Variants in DOCK1 observed in about 807,000 individuals in gnomAD.
DOCK1 encodes dedicator of cytokinesis protein 1.
In DOCK1, 138 loss-of-function variants were observed where a neutral mutation model predicts 262.7. The observed-to-expected ratio is 0.53, with a 90% CI of 0.46 to 0.61. The LOEUF (loss-of-function observed/expected upper bound fraction) is 0.61, where lower values mean the gene tolerates loss of function less well. DOCK1 is among the 20% of genes least tolerant of loss of function. The pLI is 0.00. For synonymous variants in DOCK1, 866 were observed against 867.4 expected (o/e 1.00, Z 0.03); for missense variants, 1,908 against 2,370.7 (o/e 0.80, Z 4.05).
chr10:126,954,084 AC>A (rs1439738723), intron 1 of DOCK1, among the ~76,000 whole-genome samples: 1 of 152,224 alleles, frequency 6.6e-6, no homozygotes, highest in African/African-American at 2.4e-5. Flanking sequence ...AAGCAAGCAA[AC>A]AGGGTTTTAT....
At chr10:127,389,795 C>T (rs1355455472) in intron 38 of DOCK1, among the ~76,000 whole-genome samples, 1 of 152,082 alleles carries the variant, frequency 6.6e-6, no homozygotes, top group Admixed American at 6.5e-5. Context: ...GGGCAGATCA[C>T]CTGAGGTCAG....
At chr10:127,423,890 T>C (rs2068658123) in intron 46 of DOCK1, among the ~76,000 whole-genome samples, 1 of 152,096 alleles carries the variant, frequency 6.6e-6, no homozygotes, top group Admixed American at 6.5e-5. Flanking sequence ...AGGTGTGACT[T>C]AGGGAAAGTC....
At position 127,109,848 on chromosome 10, in the gene DOCK1, A is replaced by G. The variant is rs10829392; in HGVS notation, c.2517-400A>G. ...CATGGACAAATTGTTGTGTGGATAT[A>G]TGTTTTCATTTTTTCTCGGGGAGGT... On this transcript the variant is annotated intron_variant, in intron 24 of 51. Coordinates refer to ENST00000623213, the MANE Select transcript of DOCK1 (RefSeq NM_001290223.2). Among the ~76,000 whole-genome samples, 1,003 of 151,800 alleles carry G rather than the reference A, an allele frequency of 6.6e-3. 6 individuals carry two copies. Among genetic ancestry groups the G allele is most frequent in the Admixed American group, 0.012 (179 of 15,254 alleles).
At chr10:127,325,912 G>A (rs55966234) in intron 29 of DOCK1, among the ~76,000 whole-genome samples, 5,682 of 152,208 alleles carry the variant, frequency 0.037, 378 homozygotes, top group African/African-American at 0.13. Context: ...AGTGAAGTTT[G>A]CAATAAAGCA....
intron 1 of DOCK1, among the ~76,000 whole-genome samples, chr10:126,935,621 C>T (rs2034512279): frequency 6.6e-6 from 1 of 152,232 alleles, no homozygotes; most frequent in African/African-American, 2.4e-5. Context: ...CCGCCTCTCT[C>T]CTTTCCTTCC....
At chr10:127,342,945 T>C (rs2063495624) in intron 30 of DOCK1, among the ~76,000 whole-genome samples, 1 of 152,154 alleles carries the variant, frequency 6.6e-6, no homozygotes, top group African/African-American at 2.4e-5. Flanking sequence ...CATAATTACA[T>C]TAATAAAAGT....
chr10:126,960,616 G>C (rs2037118385), intron 1 of DOCK1, among the ~76,000 whole-genome samples: 1 of 151,116 alleles, frequency 6.6e-6, no homozygotes, highest in African/African-American at 2.4e-5. Context: ...CTCTGGTTTG[G>C]TTTGGCAAGA....
intron 1 of DOCK1, among the ~76,000 whole-genome samples, chr10:126,929,588 C>T (rs1412456200): frequency 6.6e-6 from 1 of 151,900 alleles, no homozygotes; most frequent in Non-Finnish European, 1.5e-5. Flanking sequence ...TGGGAGGAGC[C>T]TGAGGGAGGC....
intron 24 of DOCK1, among the ~76,000 whole-genome samples, chr10:127,108,640 ACATCTTCCTCTCCCATGCCACGAGGG>A (rs1291356390): frequency 1.3e-5 from 2 of 152,158 alleles, no homozygotes; most frequent in African/African-American, 2.4e-5. Context: ...TGCACTTAAG[ACATCTTCCTCTCCCATGCCACGAGGG>A]CATCTTCTGC....
At chr10:127,359,108 A>T (rs181729617) in intron 32 of DOCK1, among the ~76,000 whole-genome samples, 49 of 152,066 alleles carry the variant, frequency 3.2e-4, no homozygotes, top group East Asian at 2.3e-3. Flanking sequence ...AATTTGAGCA[A>T]GATATGCTCC....
chr10:127,053,231 A>G (rs1240242556), intron 22 of DOCK1, among the ~76,000 whole-genome samples: 1 of 152,190 alleles, frequency 6.6e-6, no homozygotes, highest in Non-Finnish European at 1.5e-5. Flanking sequence ...AATCCCAGCT[A>G]CTTGGGAGGC....
chr10:127,374,037 G>T, intron 34 of DOCK1, 21 bp from the exon 35 acceptor site: 2 of 1,595,008 alleles, frequency 1.3e-6, no homozygotes, highest in South Asian at 2.3e-5. Flanking sequence ...GATTAACAAG[G>T]TGTGTATAAT....
At chr10:127,087,329 A>T (rs996559192) in intron 23 of DOCK1, among the ~76,000 whole-genome samples, 2 of 152,192 alleles carry the variant, frequency 1.3e-5, no homozygotes, top group Non-Finnish European at 2.9e-5. Flanking sequence ...ATGTTTAGAG[A>T]ATCCAGTTAG....
At chr10:127,339,455 C>G (rs993210787) in intron 30 of DOCK1, among the ~76,000 whole-genome samples, 4 of 152,090 alleles carry the variant, frequency 2.6e-5, no homozygotes, top group Non-Finnish European at 4.4e-5. Context: ...GTCTGCACCT[C>G]GAGCTCAGCT....
chr10:126,925,746 G>C (rs1327919396), intron 1 of DOCK1, among the ~76,000 whole-genome samples: 1 of 150,888 alleles, frequency 6.6e-6, no homozygotes, highest in Non-Finnish European at 1.5e-5. Context: ...GTGTGTGTGT[G>C]TGTGTGTGTG....
chr10:127,004,221 T>C (rs1452548297), intron 10 of DOCK1, among the ~76,000 whole-genome samples: 1 of 148,680 alleles, frequency 6.7e-6, no homozygotes, highest in Admixed American at 6.8e-5. Flanking sequence ...GCCAGAGTGA[T>C]GGGGCGAGAC....
intron 27 of DOCK1, among the ~76,000 whole-genome samples, chr10:127,156,409 A>G (rs1247469440): frequency 2.0e-5 from 3 of 152,154 alleles, no homozygotes; most frequent in South Asian, 4.1e-4. Flanking sequence ...GAACCTGACA[A>G]TGAGAGGACA....
chr10:126,969,106 A>G (rs906136655), intron 1 of DOCK1, among the ~76,000 whole-genome samples: 1 of 152,216 alleles, frequency 6.6e-6, no homozygotes, highest in Admixed American at 6.5e-5. Flanking sequence ...CCGTTACCTG[A>G]GTGTTCACCA....
chr10:127,022,579 A>G (rs1297393455), intron 13 of DOCK1, among the ~76,000 whole-genome samples: 1 of 152,006 alleles, frequency 6.6e-6, no homozygotes, highest in Non-Finnish European at 1.5e-5. Flanking sequence ...TATTTTTAGT[A>G]GAGATGAGGG....
Sources: allele counts gnomAD v4.1 joint callset (sites outside exome capture counted in the v4.1 genomes callset), GRCh38; gene constraint gnomAD v4.1.1; transcripts MANE v1.5; gene names NCBI Gene and HGNC (gene_info 2026-07-23, HGNC 2026-07-21).